GRHL2: variants seen among roughly 807,000 people sequenced by gnomAD.
GRHL2 encodes grainyhead-like protein 2 homolog.
A neutral mutation model predicts 83.8 loss-of-function variants in GRHL2; 21 were observed. The ratio of observed to expected loss-of-function variants is 0.25; its 90% CI spans 0.18 to 0.36. GRHL2 has a LOEUF of 0.36. GRHL2 is among the 10% of genes least tolerant of loss of function. The pLI, the probability that GRHL2 is intolerant of heterozygous loss-of-function variation, is 1.00. For missense variants in GRHL2, 623 were observed against 781.8 expected, an observed-to-expected ratio of 0.80 and a Z score of 2.42; for synonymous variants, 280 against 278.9, an observed-to-expected ratio of 1.00 and a Z score of -0.04.
At chr8:101,531,334 T>A (rs1563566970) in intron 1 of GRHL2, among the ~76,000 whole-genome samples, 2 of 152,096 alleles carry the variant, frequency 1.3e-5, no homozygotes, top group Non-Finnish European at 2.9e-5. Flanking sequence ...AATTTACTCA[T>A]CTGTATGAAG....
At chr8:101,625,286 G>A (rs1004912730) in intron 9 of GRHL2, among the ~76,000 whole-genome samples, 2 of 152,026 alleles carry the variant, frequency 1.3e-5, no homozygotes, top group Admixed American at 6.6e-5. Context: ...AAATGAAAGT[G>A]AGAGACAGGG....
chr8:101,639,397 T>A (rs1813353101), intron 12 of GRHL2, among the ~76,000 whole-genome samples: 1 of 152,238 alleles, frequency 6.6e-6, no homozygotes, highest in Non-Finnish European at 1.5e-5. Context: ...CTAAGTGCTT[T>A]ATGCATGAAC....
In GRHL2 at chr8:101,617,185, T is replaced by C. The variant is rs142493736; in HGVS notation, c.1099-2354T>C. Among the ~76,000 whole-genome samples, 418 of 152,252 alleles carry C rather than the reference T, an allele frequency of 2.7e-3. 2 individuals are homozygous for C. Among genetic ancestry groups the C allele is most frequent in the African/African-American group, 9.6e-3 (398 of 41,550 alleles). Reference sequence around the variant, plus strand: ...GTGTTGTACCTTAGTTTGCTAGATGTGTTGGCATAATTAGATCGTTGTTGG... The same window carrying C: ...GTGTTGTACCTTAGTTTGCTAGATGCGTTGGCATAATTAGATCGTTGTTGG... On this transcript the variant is annotated intron_variant, in intron 8 of 15. Transcript: ENST00000646743.
intron 8 of GRHL2, among the ~76,000 whole-genome samples, chr8:101,619,198 A>G (rs1586149006): frequency 6.6e-6 from 1 of 152,240 alleles, no homozygotes; most frequent in East Asian, 1.9e-4. Context: ...GGTTGCAGTG[A>G]GCTGAGATCA....
chr8:101,652,599 T>TGG (rs1256137650), intron 14 of GRHL2, among the ~76,000 whole-genome samples: 1 of 79,506 alleles, frequency 1.3e-5, no homozygotes, highest in African/African-American at 9.6e-5. Context: ...TGTGTGTGTG[T>TGG]GGTGTGTGTG....
chr8:101,511,215 T>C (rs145796489), intron 1 of GRHL2, among the ~76,000 whole-genome samples: 200 of 152,296 alleles, frequency 1.3e-3, no homozygotes, highest in African/African-American at 4.4e-3. Context: ...ATTTTTTGGG[T>C]TGCATGATAT....
At chr8:101,544,587 A>T (rs1237167439) in intron 2 of GRHL2, among the ~76,000 whole-genome samples, 1 of 152,192 alleles carries the variant, frequency 6.6e-6, no homozygotes, top group Non-Finnish European at 1.5e-5. Flanking sequence ...GCCTGCCTTG[A>T]TTGTAAACAC....
intron 7 of GRHL2, among the ~76,000 whole-genome samples, chr8:101,583,717 C>T (rs1340910008): frequency 6.6e-6 from 1 of 152,192 alleles, no homozygotes. Flanking sequence ...CAGTCCAAAT[C>T]TCCTCAAATA....
chr8:101,572,510 A>T (rs1411700580), intron 5 of GRHL2, among the ~76,000 whole-genome samples: 1 of 152,222 alleles, frequency 6.6e-6, no homozygotes, highest in Admixed American at 6.5e-5. Flanking sequence ...TCCTGTCAGG[A>T]GGCCATTTTC....
At position 101,558,896 on chromosome 8, in the gene GRHL2, A is replaced by G. The variant is rs904744760; in HGVS notation, c.678+84A>G. On this transcript the variant is annotated intron_variant, in intron 4 of 15. Coordinates refer to ENST00000646743, the MANE Select transcript of GRHL2 (RefSeq NM_024915.4). ...TTTCTATTTCCTTTCAAAGTGTGAT[A>G]AATGAATTAAACAGCAAGTTTTAGC... 1.8e-5 allele frequency: 26 copies of G among 1,428,634 alleles called. No homozygotes were observed. In the Middle Eastern group the frequency reaches 7.0e-4, roughly 39 times the overall value. The allele number at this position is 1,428,634 out of a possible 1,614,324, so 88.5% of individuals were successfully genotyped here. A position where few individuals can be genotyped will look rare whatever the true frequency, so the allele number is the denominator to read the frequency against.
At chr8:101,626,656 T>C (rs1813086472) in intron 9 of GRHL2, among the ~76,000 whole-genome samples, 1 of 152,094 alleles carries the variant, frequency 6.6e-6, no homozygotes. Flanking sequence ...TTTCCAGATA[T>C]ATTTTCCAAA....
At chr8:101,628,461 G>C (rs1813122938) in intron 9 of GRHL2, among the ~76,000 whole-genome samples, 1 of 152,010 alleles carries the variant, frequency 6.6e-6, no homozygotes, top group Non-Finnish European at 1.5e-5. Context: ...AGTCACCCAA[G>C]AGCTCTGATG....
chr8:101,673,698 C>G (rs1459599597), downstream of GRHL2, among the ~76,000 whole-genome samples: 1 of 151,992 alleles, frequency 6.6e-6, no homozygotes, highest in Non-Finnish European at 1.5e-5. Context: ...AGCTCTGCAC[C>G]AAGAGGACCT....
At chr8:101,674,156 G>C (rs1814253351), downstream of GRHL2, among the ~76,000 whole-genome samples, 1 of 152,080 alleles carries the variant, frequency 6.6e-6, no homozygotes, top group Non-Finnish European at 1.5e-5. Flanking sequence ...AATTAGAAAA[G>C]CAAGAGCAAA....
intron 7 of GRHL2, among the ~76,000 whole-genome samples, chr8:101,584,812 T>A (rs1812128891): frequency 6.7e-6 from 1 of 149,948 alleles, no homozygotes; most frequent in Admixed American, 6.6e-5. Flanking sequence ...GTCAGGTGGC[T>A]AGGTGGTCAG....
At chr8:101,629,641 G>T (rs1230117436) in intron 9 of GRHL2, among the ~76,000 whole-genome samples, 2 of 151,886 alleles carry the variant, frequency 1.3e-5, no homozygotes, top group Non-Finnish European at 2.9e-5. Flanking sequence ...ATTTATACAG[G>T]TTAACAAATA....
chr8:101,529,800 G>A (rs371593784), intron 1 of GRHL2, among the ~76,000 whole-genome samples: 43 of 152,228 alleles, frequency 2.8e-4, no homozygotes, highest in African/African-American at 9.6e-4. Context: ...GCAGGGGGCC[G>A]CTCTCTTGAT....
At chr8:101,673,175 A>C (rs1352467886), downstream of GRHL2, among the ~76,000 whole-genome samples, 1 of 152,014 alleles carries the variant, frequency 6.6e-6, no homozygotes, top group East Asian at 1.9e-4. Context: ...CTAACATCAT[A>C]AGGACAGGAT....
downstream of GRHL2, among the ~76,000 whole-genome samples, chr8:101,673,636 T>C (rs1222431323): frequency 6.6e-6 from 1 of 151,910 alleles, no homozygotes; most frequent in Non-Finnish European, 1.5e-5. Context: ...CTGTCAACAT[T>C]AGACAGATCA....
Sources: gnomAD v4.1 joint callset for allele counts (sites outside exome capture counted in the v4.1 genomes callset) on GRCh38, gnomAD v4.1.1 for gene constraint, MANE v1.5 for transcripts, NCBI Gene and HGNC (gene_info 2026-07-23, HGNC 2026-07-21) for gene names.